PLCB1: variants seen among roughly 807,000 people sequenced by gnomAD.
PLCB1 encodes phospholipase C beta 1.
PLCB1 carries 46 observed loss-of-function variants against 161.8 expected under a neutral mutation model. That is an observed-to-expected ratio of 0.28 (90% CI 0.22 to 0.36). The LOEUF is 0.36. PLCB1 is among the 10% of genes least tolerant of loss of function. The probability of loss-of-function intolerance (pLI) is 1.00; values close to 1 mark genes in which losing one functional copy is unlikely to be tolerated. For missense variants in PLCB1, 1,016 were observed against 1,472.5 expected (o/e 0.69, Z 5.07); for synonymous variants, 517 against 503.7 (o/e 1.03, Z -0.35).
At chr20:8,473,463 A>G (rs560244092) in intron 3 of PLCB1, among the ~76,000 whole-genome samples, 26 of 152,326 alleles carry the variant, frequency 1.7e-4, no homozygotes, top group Admixed American at 1.3e-4. Flanking sequence ...CTCAATTTAC[A>G]AAACAAATAA....
At chr20:8,594,474 TTA>T (rs1289865315) in intron 3 of PLCB1, among the ~76,000 whole-genome samples, 1 of 152,086 alleles carries the variant, frequency 6.6e-6, no homozygotes, top group Non-Finnish European at 1.5e-5. Context: ...ATGAAGTAGG[TTA>T]GGGGCGGTCC....
chr20:8,566,896 A>G (rs2123039426), intron 3 of PLCB1, among the ~76,000 whole-genome samples: 1 of 151,922 alleles, frequency 6.6e-6, no homozygotes, highest in African/African-American at 2.4e-5. Context: ...GCAAAAGAAT[A>G]TATTGATACT....
chr20:8,672,485 T>C (rs1049118933), intron 9 of PLCB1, among the ~76,000 whole-genome samples: 4 of 151,724 alleles, frequency 2.6e-5, no homozygotes, highest in South Asian at 4.2e-4. Flanking sequence ...AGCACTTGGC[T>C]ACTGCTGCCT....
intron 2 of PLCB1, among the ~76,000 whole-genome samples, chr20:8,215,836 A>T (rs1410996157): frequency 6.6e-6 from 1 of 151,838 alleles, no homozygotes; most frequent in Non-Finnish European, 1.5e-5. Flanking sequence ...CCATAATTTA[A>T]GTTTTATATG....
chr20:8,237,997 C>A (rs200792670), intron 2 of PLCB1, among the ~76,000 whole-genome samples: 3 of 152,152 alleles, frequency 2.0e-5, no homozygotes, highest in South Asian at 2.1e-4. Context: ...ATATTTGACT[C>A]TTTTCTAAGA....
chr20:8,684,031 C>A (rs908576385), intron 9 of PLCB1, among the ~76,000 whole-genome samples: 2 of 150,978 alleles, frequency 1.3e-5, no homozygotes, highest in Non-Finnish European at 3.0e-5. Context: ...CTGCAGGCAC[C>A]CGCCACCACA....
intron 2 of PLCB1, among the ~76,000 whole-genome samples, chr20:8,168,060 C>G (rs1429621638): frequency 6.6e-6 from 1 of 152,148 alleles, no homozygotes; most frequent in Non-Finnish European, 1.5e-5. Flanking sequence ...CCAGCTTGCT[C>G]TGGTAGTTCA....
intron 3 of PLCB1, among the ~76,000 whole-genome samples, chr20:8,396,754 GTTCATCTATATA>G (rs1987779597): frequency 6.6e-6 from 1 of 151,966 alleles, no homozygotes; most frequent in African/African-American, 2.4e-5. Flanking sequence ...ATCAAACTGT[GTTCATCTATATA>G]TTTGCATACG....
intron 2 of PLCB1, among the ~76,000 whole-genome samples, chr20:8,285,302 A>C (rs1240781341): frequency 6.7e-6 from 1 of 150,096 alleles, no homozygotes; most frequent in African/African-American, 2.4e-5. Context: ...ATCTATATAC[A>C]TATACATCAC....
chr20:8,613,282 A>G (rs1987951686), intron 3 of PLCB1, among the ~76,000 whole-genome samples: 2 of 152,198 alleles, frequency 1.3e-5, no homozygotes, highest in African/African-American at 4.8e-5. Flanking sequence ...ACAACTATCA[A>G]TTATGATATT....
intron 2 of PLCB1, among the ~76,000 whole-genome samples, chr20:8,266,103 T>G (rs983672968): frequency 6.6e-6 from 1 of 152,204 alleles, no homozygotes; most frequent in Non-Finnish European, 1.5e-5. Context: ...TGTTGGCAAT[T>G]TTTAGTTGTG....
intron 2 of PLCB1, among the ~76,000 whole-genome samples, chr20:8,198,239 A>C (rs563903051): frequency 1.1e-3 from 173 of 152,246 alleles, no homozygotes; most frequent in African/African-American, 3.9e-3. Flanking sequence ...GAATCTATAA[A>C]TTACCTTGGG....
intron 3 of PLCB1, among the ~76,000 whole-genome samples, chr20:8,601,376 C>T (rs1987582037): frequency 6.6e-6 from 1 of 152,080 alleles, no homozygotes; most frequent in Non-Finnish European, 1.5e-5. Flanking sequence ...CTCCTCCCAC[C>T]CTGCACCCTC....
chr20:8,519,887 T>A lies in PLCB1; in HGVS notation c.247-108407T>A, dbSNP rs114849994. 5.5e-3 allele frequency among the ~76,000 whole-genome samples: 839 copies of A among 152,306 alleles called. 8 individuals are homozygous for A. Among genetic ancestry groups the A allele is most frequent in the African/African-American group, 0.018 (737 of 41,576 alleles). The stretch of plus-strand genomic sequence containing the variant: ...TTGTTGGATATTTCCTGATCAATAA[T>A]GTGCAAAGGGAGATGATATTTGGGC... On this transcript the variant is annotated intron_variant, in intron 3 of 31. Coordinates refer to ENST00000338037, the MANE Select transcript of PLCB1 (RefSeq NM_015192.4).
intron 2 of PLCB1, among the ~76,000 whole-genome samples, chr20:8,203,294 G>A (rs1213820587): frequency 6.6e-6 from 1 of 152,120 alleles, no homozygotes; most frequent in Non-Finnish European, 1.5e-5. Context: ...AAATAAGGAA[G>A]AGGAAGAAGC....
intron 31 of PLCB1, among the ~76,000 whole-genome samples, chr20:8,833,872 T>G (rs1391902254): frequency 6.6e-6 from 1 of 152,198 alleles, no homozygotes; most frequent in Non-Finnish European, 1.5e-5. Flanking sequence ...CTGAAAGGTC[T>G]TTTTCCCTTC....
At chr20:8,510,775 A>G (rs1010913392) in intron 3 of PLCB1, among the ~76,000 whole-genome samples, 1 of 152,214 alleles carries the variant, frequency 6.6e-6, no homozygotes, top group Non-Finnish European at 1.5e-5. Flanking sequence ...TGAAGAAGTA[A>G]TTAAACTTTA....
At position 8,171,974 on chromosome 20, in the gene PLCB1, T is replaced by A. The variant is rs2051737001; in HGVS notation, c.177+21603T>A. On this transcript the variant is annotated intron_variant, in intron 2 of 31. Coordinates refer to ENST00000338037, the MANE Select transcript of PLCB1 (RefSeq NM_015192.4). ...CTCTGGGAACTGTCCCGTCTGTTGT[T>A]GCGTATCATATGTTCTAGTGCATTT... 2.0e-5 allele frequency among the ~76,000 whole-genome samples: 3 copies of A among 152,244 alleles called. No homozygotes were observed. The South Asian group carries it at 6.2e-4, about 32-fold the overall frequency.
chr20:8,567,730 A>C (rs1234494003), intron 3 of PLCB1, among the ~76,000 whole-genome samples: 1 of 152,028 alleles, frequency 6.6e-6, no homozygotes, highest in Admixed American at 6.6e-5. Context: ...CAAGACTCCA[A>C]CTCTAAAACA....
Sources: gnomAD v4.1 joint callset for allele counts (sites outside exome capture counted in the v4.1 genomes callset) on GRCh38, gnomAD v4.1.1 for gene constraint, MANE v1.5 for transcripts, NCBI Gene and HGNC (gene_info 2026-07-23, HGNC 2026-07-21) for gene names.